Variants in PDE1A observed in about 807,000 individuals in gnomAD.
The protein encoded by PDE1A is phosphodiesterase 1A.
Under a neutral mutation model 61.7 loss-of-function variants are expected in PDE1A, and 35 were observed. The ratio of observed to expected loss-of-function variants is 0.57; its 90% CI spans 0.43 to 0.75. The LOEUF (loss-of-function observed/expected upper bound fraction) is 0.75, where lower values mean the gene tolerates loss of function less well. Among genes scored for constraint, PDE1A ranks in the 30% least tolerant of loss-of-function variants. The pLI is 0.00. For synonymous variants in PDE1A, 232 were observed against 213.2 expected (o/e 1.09, Z -0.77); for missense variants, 597 against 630.6 (o/e 0.95, Z 0.57).
At chr2:182,429,068 T>C (rs1703787149), upstream of PDE1A, among the ~76,000 whole-genome samples, 2 of 152,148 alleles carry the variant, frequency 1.3e-5, no homozygotes, top group South Asian at 4.1e-4. Flanking sequence ...TATATTCTTT[T>C]TTCTTTCTGT....
intron 1 of PDE1A, among the ~76,000 whole-genome samples, chr2:182,270,101 GA>G (rs1165808738): frequency 5.3e-5 from 8 of 152,178 alleles, no homozygotes; most frequent in African/African-American, 1.9e-4. Context: ...AATATGTGCT[GA>G]GCACACTTTG....
At chr2:182,313,036 A>G (rs994243278) in intron 1 of PDE1A, among the ~76,000 whole-genome samples, 4 of 152,208 alleles carry the variant, frequency 2.6e-5, no homozygotes, top group Admixed American at 1.3e-4. Flanking sequence ...TTACTCTAAA[A>G]ATTTTCAGAA....
At chr2:182,577,502 A>G in the PDE1A span, among the ~76,000 whole-genome samples, 1 of 152,222 alleles carries the variant, frequency 6.6e-6, no homozygotes, top group Non-Finnish European at 1.5e-5. Context: ...GAAACAGAGA[A>G]AGATAAATAG....
the PDE1A span, among the ~76,000 whole-genome samples, chr2:182,612,789 G>C: frequency 6.6e-6 from 1 of 152,158 alleles, no homozygotes; most frequent in Non-Finnish European, 1.5e-5. Context: ...TGAATATTTA[G>C]ATCGAAATTA....
chr2:182,520,316 G>T (rs66641926), intron 2 of PDE1A, among the ~76,000 whole-genome samples: 10,008 of 151,944 alleles, frequency 0.066, 352 homozygotes, highest in Middle Eastern at 0.1. Context: ...AAGTTAAAGT[G>T]ATAGTACCAA....
At chr2:182,311,201 C>T (rs1695946154) in intron 1 of PDE1A, among the ~76,000 whole-genome samples, 2 of 152,342 alleles carry the variant, frequency 1.3e-5, no homozygotes, top group Admixed American at 1.3e-4. Context: ...CACTCTTCTG[C>T]TTTTCATCTA....
intron 2 of PDE1A, among the ~76,000 whole-genome samples, chr2:182,474,801 C>T (rs954192136): frequency 4.0e-5 from 6 of 151,864 alleles, no homozygotes; most frequent in African/African-American, 1.4e-4. Context: ...CACTCAACTG[C>T]CCAAGCTGAT....
At chr2:182,160,227 T>C (rs550833113) in intron 13 of PDE1A, among the ~76,000 whole-genome samples, 3 of 152,312 alleles carry the variant, frequency 2.0e-5, no homozygotes, top group African/African-American at 4.8e-5. Flanking sequence ...ATGTACTGCC[T>C]TTTATGTTTT....
chr2:182,474,528 C>T (rs1430762020), intron 2 of PDE1A, among the ~76,000 whole-genome samples: 1 of 151,722 alleles, frequency 6.6e-6, no homozygotes, highest in African/African-American at 2.4e-5. Flanking sequence ...TCCTCTGAAC[C>T]CTGGTATTTT....
the PDE1A span, among the ~76,000 whole-genome samples, chr2:182,685,944 A>T: frequency 0.086 from 13,105 of 152,246 alleles, 1,907 homozygotes; most frequent in African/African-American, 0.3. Context: ...ACTAGTCATT[A>T]GAGCAATCTT....
intron 2 of PDE1A, among the ~76,000 whole-genome samples, chr2:182,456,080 G>A (rs973949509): frequency 2.0e-5 from 3 of 152,048 alleles, no homozygotes. Context: ...AAACCACATA[G>A]ATGTGAACTC....
At chr2:182,473,477 C>T (rs915947903) in intron 2 of PDE1A, among the ~76,000 whole-genome samples, 9 of 151,952 alleles carry the variant, frequency 5.9e-5, no homozygotes, top group African/African-American at 2.2e-4. Flanking sequence ...AGGACATGAA[C>T]AGGCACTTTT....
the PDE1A span, among the ~76,000 whole-genome samples, chr2:182,623,291 T>C: frequency 6.6e-6 from 1 of 152,122 alleles, no homozygotes; most frequent in Non-Finnish European, 1.5e-5. Flanking sequence ...ACATTGCATG[T>C]AGAGAGAAGT....
At chr2:182,598,306 T>A in the PDE1A span, among the ~76,000 whole-genome samples, 3 of 152,162 alleles carry the variant, frequency 2.0e-5, no homozygotes, top group East Asian at 5.8e-4. Flanking sequence ...GCACAGTGGA[T>A]CACGCCTGTA....
chr2:182,349,196 G>A (rs547408288), intron 1 of PDE1A, among the ~76,000 whole-genome samples: 1 of 152,278 alleles, frequency 6.6e-6, no homozygotes, highest in South Asian at 2.1e-4. Context: ...ATTACAAAAT[G>A]GAGGTCACTG....
chr2:182,257,071 C>T (rs1691874592), intron 2 of PDE1A, among the ~76,000 whole-genome samples: 2 of 152,180 alleles, frequency 1.3e-5, no homozygotes, highest in African/African-American at 4.8e-5. Flanking sequence ...TTTCAGTAAC[C>T]CTGCTTTCTG....
chr2:182,631,675 T>C, the PDE1A span, among the ~76,000 whole-genome samples: 2 of 152,356 alleles, frequency 1.3e-5, no homozygotes, highest in South Asian at 4.1e-4. Context: ...AGTTTGTAAT[T>C]TCTATTTAAC....
intron 2 of PDE1A, among the ~76,000 whole-genome samples, chr2:182,461,524 C>T (rs1559484701): frequency 6.6e-6 from 1 of 152,036 alleles, no homozygotes; most frequent in Non-Finnish European, 1.5e-5. Context: ...ACAAAATATC[C>T]CATCATTATT....
At position 182,202,320 on chromosome 2, in the gene PDE1A, T is replaced by C. The variant is rs1344942102; in HGVS notation, c.903-531A>G. On this transcript the variant is annotated intron_variant, in intron 8 of 13. Coordinates refer to ENST00000351439, the Ensembl canonical transcript of PDE1A. Reference sequence around the variant, plus strand: ...CTGATTCTTCTTCATTTTGCATTTTTAATCAAAACGACTACTATTAATAAA... The same window carrying C: ...CTGATTCTTCTTCATTTTGCATTTTCAATCAAAACGACTACTATTAATAAA... Among the ~76,000 whole-genome samples the C allele has an allele frequency of 2.0e-5, 3 of 152,178 alleles. No homozygotes were observed. In the South Asian group the frequency reaches 6.2e-4, roughly 32 times the overall value.
Sources: gnomAD v4.1 joint callset for allele counts (sites outside exome capture counted in the v4.1 genomes callset) on GRCh38, gnomAD v4.1.1 for gene constraint, MANE v1.5 for transcripts, NCBI Gene and HGNC (gene_info 2026-07-23, HGNC 2026-07-21) for gene names.